The following RNLS variants were observed in gnomAD, a reference collection of about 807,000 sequenced individuals.
RNLS encodes the protein renalase, FAD dependent amine oxidase, also known as renalase.
A neutral mutation model predicts 39.8 loss-of-function variants in RNLS; 39 were observed. The observed-to-expected ratio is 0.98, with a 90% CI of 0.76 to 1.28. The LOEUF (loss-of-function observed/expected upper bound fraction) is 1.28, where lower values mean the gene tolerates loss of function less well. RNLS is among the 50% of genes most tolerant of loss of function. The pLI, the probability that RNLS is intolerant of heterozygous loss-of-function variation, is 0.00. For synonymous variants in RNLS, 147 were observed against 150.7 expected (o/e 0.98, Z 0.18); for missense variants, 410 against 413.3 (o/e 0.99, Z 0.07).
intron 5 of RNLS, among the ~76,000 whole-genome samples, chr10:88,336,624 T>C (rs1049306033): frequency 2.4e-4 from 37 of 152,260 alleles, no homozygotes; most frequent in African/African-American, 8.2e-4. Flanking sequence ...AATCTTCCAG[T>C]AAACAATGAA....
chr10:88,390,140 G>A (rs113086965), intron 4 of RNLS, among the ~76,000 whole-genome samples: 6 of 152,350 alleles, frequency 3.9e-5, no homozygotes, highest in African/African-American at 1.4e-4. Flanking sequence ...AATGGTAAGT[G>A]TCCCAGTGTT....
intron 4 of RNLS, among the ~76,000 whole-genome samples, chr10:88,466,577 C>T (rs1270073577): frequency 6.6e-6 from 1 of 152,142 alleles, no homozygotes; most frequent in Admixed American, 6.6e-5. Flanking sequence ...TGCAACCCGC[C>T]TCCACCTTTA....
At chr10:88,389,114 G>C (rs1852044827) in intron 4 of RNLS, among the ~76,000 whole-genome samples, 1 of 152,162 alleles carries the variant, frequency 6.6e-6, no homozygotes, top group African/African-American at 2.4e-5. Context: ...GTTGGGACTT[G>C]AGGGATGGTA....
chr10:88,172,862 T>G, the RNLS span, among the ~76,000 whole-genome samples: 11 of 84,850 alleles, frequency 1.3e-4, no homozygotes, highest in Non-Finnish European at 2.4e-4. Context: ...TTTTTTTTTT[T>G]TTTTTTTTTT....
chr10:88,474,587 G>A lies in RNLS; in HGVS notation c.526+98316C>T, dbSNP rs528642851. Among the ~76,000 whole-genome samples the A allele has an allele frequency of 1.1e-3, 165 of 152,264 alleles. 1 individual carries two copies. In the Middle Eastern group the frequency reaches 0.02, roughly 19 times the overall value. ...CCTCTTCAAGTTGGAAGGCTTAAAT[G>A]AGAACATTTTCCTGGCACTTTTGAG... is the stretch of plus-strand genomic sequence containing the variant. On this transcript the variant is annotated intron_variant, in intron 4 of 6. Transcript: ENST00000331772.
chr10:88,431,079 T>G (rs547563466), intron 4 of RNLS, among the ~76,000 whole-genome samples: 1 of 151,792 alleles, frequency 6.6e-6, no homozygotes, highest in East Asian at 1.9e-4. Context: ...TTGGTAGAAT[T>G]TTTCCAATTA....
chr10:88,473,553 A>G (rs1432261162), intron 4 of RNLS, among the ~76,000 whole-genome samples: 1 of 152,204 alleles, frequency 6.6e-6, no homozygotes, highest in Admixed American at 6.6e-5. Context: ...TATGAAAAGC[A>G]CAGCCCTTCT....
At chr10:88,209,143 A>C in the RNLS span, among the ~76,000 whole-genome samples, 3 of 152,070 alleles carry the variant, frequency 2.0e-5, no homozygotes, top group East Asian at 5.8e-4. Context: ...TATTTTGACT[A>C]TCTTCAAGAG....
intron 4 of RNLS, among the ~76,000 whole-genome samples, chr10:88,418,254 G>A (rs1211287597): frequency 1.3e-5 from 2 of 152,080 alleles, no homozygotes; most frequent in Non-Finnish European, 2.9e-5. Flanking sequence ...ATCCTGGTAA[G>A]TAAGGATAAC....
At chr10:88,501,475 A>G (rs568395749) in intron 4 of RNLS, among the ~76,000 whole-genome samples, 1 of 152,286 alleles carries the variant, frequency 6.6e-6, no homozygotes, top group Non-Finnish European at 1.5e-5. Flanking sequence ...GAGGTGGCCA[A>G]ATGGTAACAC....
intron 4 of RNLS, among the ~76,000 whole-genome samples, chr10:88,450,063 T>C (rs1358563015): frequency 6.6e-6 from 1 of 150,578 alleles, no homozygotes; most frequent in Non-Finnish European, 1.5e-5. Context: ...CTGTAAGTTG[T>C]AGTAAAGTCT....
At chr10:88,285,575 CT>C in intron 6 of RNLS, 69 bp from the exon 7 acceptor site, 2 of 1,357,150 alleles carry the variant, frequency 1.5e-6, no homozygotes, top group Non-Finnish European at 2.1e-6. Context: ...CAACACCCAC[CT>C]GGAAAAGGTT....
chr10:88,533,535 A>G (rs568349936), intron 4 of RNLS, among the ~76,000 whole-genome samples: 2 of 152,228 alleles, frequency 1.3e-5, no homozygotes, highest in East Asian at 3.9e-4. Flanking sequence ...GCACTGGGGA[A>G]CCCCTCAAAG....
intron 4 of RNLS, among the ~76,000 whole-genome samples, chr10:88,370,141 A>G (rs1475388160): frequency 6.6e-6 from 1 of 152,184 alleles, no homozygotes; most frequent in East Asian, 1.9e-4. Flanking sequence ...AGTAGTAGAG[A>G]TCAACCTCTT....
At chr10:88,412,016 G>A (rs1020272611) in intron 4 of RNLS, among the ~76,000 whole-genome samples, 4 of 152,058 alleles carry the variant, frequency 2.6e-5, no homozygotes, top group African/African-American at 9.7e-5. Flanking sequence ...TCAGGTTTAG[G>A]AGTTTGAGCC....
At chr10:88,379,842 A>C (rs1564748917) in intron 4 of RNLS, among the ~76,000 whole-genome samples, 1 of 152,194 alleles carries the variant, frequency 6.6e-6, no homozygotes, top group African/African-American at 2.4e-5. Context: ...GAGGCTTCAT[A>C]GGTTTCTGGC....
exon 7 of RNLS, chr10:88,274,892 G>C (rs1842754881): frequency 9.0e-7 from 1 of 1,113,128 alleles, no homozygotes; most frequent in South Asian, 1.3e-5. Context: ...TATCCTAAAG[G>C]CTGTGAAGTG....
intron 4 of RNLS, among the ~76,000 whole-genome samples, chr10:88,451,665 G>C (rs1842366372): frequency 6.6e-6 from 1 of 152,100 alleles, no homozygotes; most frequent in African/African-American, 2.4e-5. Context: ...GTAGTTTCAG[G>C]GTTGGTGCTT....
the RNLS span, among the ~76,000 whole-genome samples, chr10:88,195,240 A>G: frequency 1.3e-5 from 2 of 152,234 alleles, no homozygotes; most frequent in Non-Finnish European, 2.9e-5. Context: ...AATAGGATAA[A>G]ATGCATTGTA....
Sources: allele counts gnomAD v4.1 joint callset (sites outside exome capture counted in the v4.1 genomes callset), GRCh38; gene constraint gnomAD v4.1.1; transcripts MANE v1.5; gene names NCBI Gene and HGNC (gene_info 2026-07-23, HGNC 2026-07-21).